Variants in KANK1 observed in about 807,000 individuals in gnomAD.
KANK1 encodes KN motif and ankyrin repeat domains 1.
Under a neutral mutation model 106.2 loss-of-function variants are expected in KANK1, and 109 were observed. That is an observed-to-expected ratio of 1.03 (90% confidence interval 0.88 to 1.20). The LOEUF is 1.20. Among genes scored for constraint, KANK1 ranks in the 50% most tolerant of loss-of-function variants. The probability of loss-of-function intolerance (pLI) is 0.00; values close to 1 mark genes in which losing one functional copy is unlikely to be tolerated. For synonymous variants in KANK1, 873 were observed against 652.2 expected, an observed-to-expected ratio of 1.34 and a Z score of -5.16; for missense variants, 2,399 against 1,710.7, an observed-to-expected ratio of 1.40 and a Z score of -7.10.
At chr9:613,549 C>T (rs1353857392) in intron 1 of KANK1, among the ~76,000 whole-genome samples, 2 of 151,956 alleles carry the variant, frequency 1.3e-5, no homozygotes, top group Non-Finnish European at 2.9e-5. Flanking sequence ...CCAGGGAAGC[C>T]AAAACGTTGG....
intron 2 of KANK1, among the ~76,000 whole-genome samples, chr9:699,027 G>T (rs943038801): frequency 3.3e-5 from 5 of 152,102 alleles, no homozygotes; most frequent in African/African-American, 1.2e-4. Flanking sequence ...CCTCTTCCCA[G>T]TTCTTAAAAG....
intron 1 of KANK1, among the ~76,000 whole-genome samples, chr9:563,436 A>T (rs994356331): frequency 6.6e-6 from 1 of 152,230 alleles, no homozygotes. Context: ...ACTTGAGAAT[A>T]AACATGCTGT....
intron 1 of KANK1, among the ~76,000 whole-genome samples, chr9:651,327 C>G (rs145845639): frequency 1.3e-5 from 2 of 152,214 alleles, no homozygotes; most frequent in East Asian, 3.9e-4. Flanking sequence ...TTCATTGCTT[C>G]AAAATTCCTG....
chr9:636,061 T>C (rs117065564), intron 1 of KANK1, among the ~76,000 whole-genome samples: 2,394 of 152,272 alleles, frequency 0.016, 20 homozygotes, highest in Non-Finnish European at 0.026. Context: ...TTTTCTGATA[T>C]TCTCAGACAA....
At chr9:548,932 AAG>A (rs1433405894) in intron 1 of KANK1, among the ~76,000 whole-genome samples, 3 of 152,294 alleles carry the variant, frequency 2.0e-5, no homozygotes, top group Non-Finnish European at 2.9e-5. Context: ...AAAATAAAAT[AAG>A]AGAGGGGGAC....
intron 1 of KANK1, among the ~76,000 whole-genome samples, chr9:562,983 C>T (rs1587840772): frequency 6.6e-6 from 1 of 152,184 alleles, no homozygotes; most frequent in African/African-American, 2.4e-5. Context: ...GCTATTCATT[C>T]TTACAAGCAG....
chr9:490,536 G>A (rs73386740), intron 3 of KANK1, among the ~76,000 whole-genome samples: 2,913 of 152,032 alleles, frequency 0.019, 105 homozygotes, highest in African/African-American at 0.065. Flanking sequence ...ATAACAATAG[G>A]CAAACATAGC....
intron 1 of KANK1, among the ~76,000 whole-genome samples, chr9:538,680 TAAGG>T (rs1173012150): frequency 1.3e-5 from 2 of 152,134 alleles, no homozygotes; most frequent in African/African-American, 2.4e-5. Flanking sequence ...GCTTAGAACA[TAAGG>T]AAGGAGTCAG....
At chr9:477,506 C>T (rs2132102725) in intron 3 of KANK1, among the ~76,000 whole-genome samples, 1 of 152,168 alleles carries the variant, frequency 6.6e-6, no homozygotes, top group East Asian at 1.9e-4. Flanking sequence ...AAGAGGTGTC[C>T]CTACTGCACA....
rs1216152338 is a variant in KANK1, at chr9:732,273, T to C, written c.3006-105T>C. ...TTCTAAGTGCAGGATCTAAAACCAC[T>C]AGTGAAATTTCTGGAGTCAATTAGC... On this transcript the variant is annotated intron_variant, in intron 5 of 11. Transcript: ENST00000382297. 5.9e-6 allele frequency: 8 copies of C among 1,351,240 alleles called. No homozygotes were observed. In the African/African-American group the frequency reaches 1.0e-4, roughly 17 times the overall value. The allele number at this position is 1,351,240 out of a possible 1,614,324, so 83.7% of individuals were successfully genotyped here. A position where few individuals can be genotyped will look rare whatever the true frequency, so the allele number is the denominator to read the frequency against.
intron 1 of KANK1, among the ~76,000 whole-genome samples, chr9:528,231 C>A (rs973660935): frequency 3.3e-5 from 5 of 151,724 alleles, no homozygotes; most frequent in Admixed American, 6.6e-5. Flanking sequence ...ACACAATGGC[C>A]TTCTCAAACT....
intron 1 of KANK1, among the ~76,000 whole-genome samples, chr9:534,862 C>A (rs1355222430): frequency 6.6e-6 from 1 of 152,166 alleles, no homozygotes; most frequent in Non-Finnish European, 1.5e-5. Flanking sequence ...AAATTTTGCC[C>A]ATGTGGGAAC....
intron 5 of KANK1, chr9:731,508 GA>G (rs764036523): frequency 2.7e-5 from 9 of 329,034 alleles, no homozygotes; most frequent in Non-Finnish European, 5.1e-5. Context: ...CCTCACCTCT[GA>G]TCTGAAAGAA....
chr9:744,811 T>G (rs1204964994), intron 11 of KANK1: 3 of 1,437,982 alleles, frequency 2.1e-6, no homozygotes, highest in Admixed American at 5.3e-5. Context: ...GCAAGACATA[T>G]GCTCACAGCT....
rs142874662 is a variant in KANK1, at chr9:737,842, A to C, written c.3334-443A>C. ...CTAATTTCTATGAAAATTGTTTGCA[A>C]GGCCAGTATGATTACATCATATTAA... is the stretch of plus-strand genomic sequence containing the variant. On this transcript the variant is annotated intron_variant, in intron 7 of 11. Transcript: ENST00000382297. 4.5e-4 allele frequency among the ~76,000 whole-genome samples: 69 copies of C among 152,354 alleles called. 1 individual carries two copies. The East Asian group carries it at 8.5e-3, about 19-fold the overall frequency.
At chr9:682,968 C>A (rs1209435951) in intron 2 of KANK1, among the ~76,000 whole-genome samples, 1 of 152,102 alleles carries the variant, frequency 6.6e-6, no homozygotes, top group African/African-American at 2.4e-5. Context: ...AACTCTGAGC[C>A]CACTGCGGTG....
intron 1 of KANK1, among the ~76,000 whole-genome samples, chr9:546,387 C>A (rs563110502): frequency 6.6e-6 from 1 of 152,092 alleles, no homozygotes; most frequent in South Asian, 2.1e-4. Flanking sequence ...CAACCCCTGA[C>A]AACAAAGAAT....
intron 1 of KANK1, among the ~76,000 whole-genome samples, chr9:576,232 G>A (rs1053566830): frequency 6.6e-6 from 1 of 152,182 alleles, no homozygotes; most frequent in Non-Finnish European, 1.5e-5. Context: ...AGTACCACTA[G>A]CTTCATACCA....
intron 1 of KANK1, among the ~76,000 whole-genome samples, chr9:556,807 G>A (rs1417043722): frequency 1.3e-5 from 2 of 152,070 alleles, no homozygotes; most frequent in African/African-American, 4.8e-5. Flanking sequence ...TTAGTTGAAT[G>A]AGCTGCTTTC....
Sources: allele counts gnomAD v4.1 joint callset (sites outside exome capture counted in the v4.1 genomes callset), GRCh38; gene constraint gnomAD v4.1.1; transcripts MANE v1.5; gene names NCBI Gene and HGNC (gene_info 2026-07-23, HGNC 2026-07-21).